The following USP32 variants were observed in gnomAD, a reference collection of about 807,000 sequenced individuals.
USP32 encodes the protein ubiquitin specific peptidase 32.
A neutral mutation model predicts 204.8 loss-of-function variants in USP32; 59 were observed. The ratio of observed to expected loss-of-function variants is 0.29; its 90% CI spans 0.23 to 0.36. The LOEUF is 0.36. Ranked by LOEUF, USP32 falls within the 10% of genes least tolerant of loss-of-function variation. The pLI, the probability that USP32 is intolerant of heterozygous loss-of-function variation, is 1.00. For synonymous variants in USP32, 517 were observed against 678.4 expected (o/e 0.76, Z 3.70); for missense variants, 1,160 against 1,946.4 (o/e 0.60, Z 7.60).
chr17:60,284,979 A>G (rs1000304028), intron 5 of USP32, among the ~76,000 whole-genome samples: 5 of 152,130 alleles, frequency 3.3e-5, no homozygotes, highest in Admixed American at 6.6e-5. Flanking sequence ...TGTCGTTGTT[A>G]TATTGAGAGC....
At chr17:60,403,388 C>A (rs1436631127) in intron 1 of USP32, among the ~76,000 whole-genome samples, 1 of 152,140 alleles carries the variant, frequency 6.6e-6, no homozygotes, top group Non-Finnish European at 1.5e-5. Flanking sequence ...ATTGAAGTAG[C>A]CACAAAGTTC....
chr17:60,321,442 T>G (rs1053213245), intron 2 of USP32, among the ~76,000 whole-genome samples: 10 of 152,160 alleles, frequency 6.6e-5, no homozygotes, highest in African/African-American at 2.4e-4. Context: ...CAGAATCTCA[T>G]AACACAATAT....
intron 1 of USP32, among the ~76,000 whole-genome samples, chr17:60,414,904 G>A (rs2090048662): frequency 6.7e-6 from 1 of 150,360 alleles, no homozygotes; most frequent in African/African-American, 2.5e-5. Context: ...AGGCTGGAGT[G>A]CAGTGGTGCA....
intron 21 of USP32, among the ~76,000 whole-genome samples, chr17:60,209,906 T>C (rs1663067582): frequency 1.3e-5 from 2 of 152,112 alleles, no homozygotes; most frequent in South Asian, 2.1e-4. Context: ...TTTATATGCA[T>C]ATAAAATATG....
intron 12 of USP32, among the ~76,000 whole-genome samples, chr17:60,233,085 G>A (rs972693994): frequency 6.6e-6 from 1 of 152,168 alleles, no homozygotes; most frequent in Non-Finnish European, 1.5e-5. Context: ...GCAAGTGCAA[G>A]GGACAAGAGT....
intron 12 of USP32, among the ~76,000 whole-genome samples, chr17:60,231,813 C>T (rs1480245143): frequency 2.0e-5 from 3 of 152,202 alleles, no homozygotes; most frequent in African/African-American, 7.2e-5. Context: ...TCCCCATTTA[C>T]ATTTTTTTAG....
At chr17:60,421,024 A>G (rs1365009843) in intron 1 of USP32, among the ~76,000 whole-genome samples, 3 of 152,176 alleles carry the variant, frequency 2.0e-5, no homozygotes, top group Non-Finnish European at 4.4e-5. Flanking sequence ...TTCCTCCTAT[A>G]AGTAGAATTG....
intron 1 of USP32, among the ~76,000 whole-genome samples, chr17:60,409,438 C>A (rs1486700985): frequency 6.6e-6 from 1 of 152,080 alleles, no homozygotes; most frequent in African/African-American, 2.4e-5. Context: ...TGCTCAGTAA[C>A]AAAATGAAAA....
At chr17:60,201,660 A>ATTTT (rs1278896872) in intron 26 of USP32, among the ~76,000 whole-genome samples, 1 of 137,474 alleles carries the variant, frequency 7.3e-6, no homozygotes, top group African/African-American at 2.6e-5. Context: ...GTCGTTGATC[A>ATTTT]TTTTTTTTTT....
intron 26 of USP32, among the ~76,000 whole-genome samples, chr17:60,202,612 T>C (rs1354670374): frequency 3.9e-5 from 6 of 152,214 alleles, no homozygotes; most frequent in Non-Finnish European, 5.9e-5. Flanking sequence ...CAGTCTTCTT[T>C]AATTTCTATC....
chr17:60,223,856 A>G (rs139355198), intron 13 of USP32, among the ~76,000 whole-genome samples: 14 of 152,360 alleles, frequency 9.2e-5, no homozygotes, highest in Non-Finnish European at 1.2e-4. Flanking sequence ...TGAGAATTAT[A>G]TGTCCTCCGA....
In USP32 at chr17:60,213,786, C is replaced by G. The variant is rs985107262; in HGVS notation, c.2023-124G>C. On this transcript the variant is annotated intron_variant, in intron 17 of 33. Coordinates refer to ENST00000300896, the MANE Select transcript of USP32 (RefSeq NM_032582.4). ...TAGTTATATAACATATCACAAATAT[C>G]TGGCCTACTATAGTTGTTCATAAAT... is the stretch of plus-strand genomic sequence containing the variant. 3.4e-5 allele frequency: 38 copies of G among 1,107,520 alleles called. No individual in the cohort carries two copies. In the African/African-American group the frequency reaches 3.5e-4, roughly 10 times the overall value. 68.6% of individuals were successfully genotyped at this position (1,107,520 alleles called of 1,614,324 possible). A position where few individuals can be genotyped will look rare whatever the true frequency, so the allele number is the denominator to read the frequency against.
At chr17:60,353,555 A>T (rs1355399884) in intron 1 of USP32, among the ~76,000 whole-genome samples, 1 of 152,118 alleles carries the variant, frequency 6.6e-6, no homozygotes, top group South Asian at 2.1e-4. Flanking sequence ...AGCTTGGCCA[A>T]CACGGAGAAA....
chr17:60,230,384 T>C (rs1316655957), intron 12 of USP32, among the ~76,000 whole-genome samples: 4 of 152,190 alleles, frequency 2.6e-5, no homozygotes, highest in African/African-American at 9.7e-5. Context: ...TATATATCAC[T>C]GGCAAGAAAA....
chr17:60,285,331 T>C (rs774302209), intron 5 of USP32, among the ~76,000 whole-genome samples: 2 of 152,162 alleles, frequency 1.3e-5, no homozygotes, highest in Admixed American at 1.3e-4. Flanking sequence ...CACTGAAAAG[T>C]AGTAGAATCA....
chr17:60,338,341 AT>A (rs941259478), intron 2 of USP32, among the ~76,000 whole-genome samples: 13 of 151,516 alleles, frequency 8.6e-5, no homozygotes, highest in Non-Finnish European at 1.5e-4. Flanking sequence ...AAAAAAAAAA[AT>A]ACTACATAGA....
At chr17:60,227,321 G>A (rs2085421332) in intron 12 of USP32, among the ~76,000 whole-genome samples, 1 of 147,550 alleles carries the variant, frequency 6.8e-6, no homozygotes, top group African/African-American at 2.5e-5. Context: ...CCAGGCTAGA[G>A]TGCAGTGGCG....
intron 11 of USP32, among the ~76,000 whole-genome samples, chr17:60,248,397 A>C (rs1375922078): frequency 6.6e-6 from 1 of 152,206 alleles, no homozygotes; most frequent in Admixed American, 6.5e-5. Context: ...TTCTAAGATT[A>C]ATAATTTTCG....
chr17:60,202,854 G>C lies in USP32; in HGVS notation c.3249+2593C>G, dbSNP rs369070465. On this transcript the variant is annotated intron_variant, in intron 26 of 33. Transcript: ENST00000300896. ...ATGTTTGTAGATGTAATTAAGTTGA[G>C]GATGTCAAGATGAGATCATCCTGGA... Among the ~76,000 whole-genome samples, 16 of 144,792 alleles carry C rather than the reference G, an allele frequency of 1.1e-4. No homozygotes were observed. In the East Asian group the frequency reaches 2.1e-3, roughly 19 times the overall value. 95.0% of individuals were successfully genotyped at this position (144,792 alleles called of 152,430 possible). A position where few individuals can be genotyped will look rare whatever the true frequency, so the allele number is the denominator to read the frequency against.
Sources: gnomAD v4.1 joint callset for allele counts (sites outside exome capture counted in the v4.1 genomes callset) on GRCh38, gnomAD v4.1.1 for gene constraint, MANE v1.5 for transcripts, NCBI Gene and HGNC (gene_info 2026-07-23, HGNC 2026-07-21) for gene names.